The following VOPP1 variants were observed in gnomAD, a reference collection of about 807,000 sequenced individuals.
VOPP1 encodes WW domain binding protein VOPP1.
VOPP1 carries 8 observed loss-of-function variants against 23.5 expected under a neutral mutation model. The ratio of observed to expected loss-of-function variants is 0.34; its 90% confidence interval spans 0.20 to 0.61. The LOEUF (loss-of-function observed/expected upper bound fraction) is 0.61. Among genes scored for constraint, VOPP1 ranks in the 20% least tolerant of loss-of-function variants. VOPP1 has a pLI of 0.78. For synonymous variants in VOPP1, 83 were observed against 97.3 expected, an observed-to-expected ratio of 0.85 and a Z score of 0.86; for missense variants, 174 against 238.1, an observed-to-expected ratio of 0.73 and a Z score of 1.77.
downstream of VOPP1, among the ~76,000 whole-genome samples, chr7:55,469,371 A>G (rs1359861105): frequency 6.6e-6 from 1 of 152,166 alleles, no homozygotes; most frequent in Non-Finnish European, 1.5e-5. Context: ...AAAGCCTCAA[A>G]AGCTGTTTAC....
chr7:55,565,465 T>C (rs543004023), intron 1 of VOPP1, among the ~76,000 whole-genome samples: 32 of 152,320 alleles, frequency 2.1e-4, no homozygotes, highest in East Asian at 1.2e-3. Context: ...TGTTAATCAG[T>C]TGGATAAAAC....
At chr7:55,559,103 C>G (rs1007812940) in intron 1 of VOPP1, among the ~76,000 whole-genome samples, 4 of 152,162 alleles carry the variant, frequency 2.6e-5, no homozygotes, top group Non-Finnish European at 4.4e-5. Context: ...GCTCCCTCAT[C>G]ATCAGAGGGA....
chr7:55,556,560 T>C (rs979143253), intron 1 of VOPP1, among the ~76,000 whole-genome samples: 1 of 152,092 alleles, frequency 6.6e-6, no homozygotes, highest in East Asian at 1.9e-4. Context: ...GCTATGATTA[T>C]ATAAACTTCA....
At chr7:55,489,351 G>A (rs1006359395) in intron 4 of VOPP1, among the ~76,000 whole-genome samples, 3 of 152,184 alleles carry the variant, frequency 2.0e-5, no homozygotes, top group African/African-American at 7.2e-5. Flanking sequence ...GAGAAGATGC[G>A]CTGGGACCAG....
intron 4 of VOPP1, among the ~76,000 whole-genome samples, chr7:55,457,062 A>C (rs1235163248): frequency 6.6e-6 from 1 of 152,180 alleles, no homozygotes. Flanking sequence ...CCCATCAACC[A>C]ACCTCTCTTC....
intron 4 of VOPP1, among the ~76,000 whole-genome samples, chr7:55,448,789 CG>C (rs1205927569): frequency 1.3e-5 from 2 of 152,202 alleles, no homozygotes; most frequent in Non-Finnish European, 1.5e-5. Context: ...TGGGCCCGGA[CG>C]AGGGGGAGGC....
At chr7:55,520,966 G>A (rs1795804743) in intron 2 of VOPP1, 106 bp downstream of exon 2, 1 of 1,220,116 alleles carries the variant, frequency 8.2e-7, no homozygotes. Flanking sequence ...AGCAGAGGCT[G>A]GGCCACGCCG....
intron 2 of VOPP1, among the ~76,000 whole-genome samples, chr7:55,515,600 C>G (rs1346032598): frequency 6.6e-6 from 1 of 152,264 alleles, no homozygotes; most frequent in African/African-American, 2.4e-5. Flanking sequence ...CCCAGTGCAG[C>G]AGGCACCACG....
At chr7:55,520,192 G>A (rs138739420) in intron 2 of VOPP1, among the ~76,000 whole-genome samples, 345 of 152,108 alleles carry the variant, frequency 2.3e-3, no homozygotes, top group Non-Finnish European at 3.9e-3. Flanking sequence ...AAAATAACGC[G>A]TTTTCCTATT....
rs773827349 is a variant in VOPP1, at chr7:55,492,336, C to A, written c.274G>T (p.Glu92Ter). 81 of 1,609,616 alleles carry A rather than the reference C, an allele frequency of 5.0e-5. No individual in the cohort carries two copies. Residue 92 changes from glutamate (E) to a stop codon, truncating the protein, a stop_gained, in exon 4 of 5, where the codon GAG (glutamate) becomes TAG (stop). Coordinates refer to ENST00000285279, the MANE Select transcript of VOPP1 (RefSeq NM_030796.5). LOFTEE classifies it high-confidence loss of function. Reference protein sequence around the residue: ...RRRMYPPPLIEEPAFNVSYTR... With the variant: ...RRRMYPPPLI The stretch of plus-strand genomic sequence containing the variant: ...TAGGACACATTGAAGGCTGGCTCCT[C>A]GATCAGCGGCGGGGGGTACATGCGC...
downstream of VOPP1, among the ~76,000 whole-genome samples, chr7:55,466,015 G>C (rs890367461): frequency 3.9e-5 from 6 of 152,126 alleles, no homozygotes; most frequent in South Asian, 1.2e-3. Context: ...AAGTCATGAG[G>C]GGGAGGGAGC....
intron 1 of VOPP1, among the ~76,000 whole-genome samples, chr7:55,554,302 T>A (rs568512622): frequency 6.6e-6 from 1 of 152,314 alleles, no homozygotes; most frequent in African/African-American, 2.4e-5. Context: ...GTCTATCTCG[T>A]TCCATCCAGG....
chr7:55,564,264 T>TCTCTCTCTCTCTCTCTCTCTCTCG (rs1369462395), intron 1 of VOPP1, among the ~76,000 whole-genome samples: 1 of 150,930 alleles, frequency 6.6e-6, no homozygotes, highest in African/African-American at 2.5e-5. Flanking sequence ...TCTCTCTCTC[T>TCTCTCTCTCTCTCTCTCTCTCTCG]CTCGCTCGCT....
chr7:55,567,628 C>A (rs1055768618), intron 1 of VOPP1, among the ~76,000 whole-genome samples: 3 of 152,186 alleles, frequency 2.0e-5, no homozygotes, highest in African/African-American at 7.2e-5. Flanking sequence ...CAGGTCTGGG[C>A]CCAACGCCCA....
chr7:55,555,003 G>A (rs992945322), intron 1 of VOPP1, among the ~76,000 whole-genome samples: 2 of 152,182 alleles, frequency 1.3e-5, no homozygotes, highest in Non-Finnish European at 2.9e-5. Flanking sequence ...ATCTCCCGAA[G>A]GAGAAAATCA....
intron 1 of VOPP1, among the ~76,000 whole-genome samples, chr7:55,539,898 TGCACAC>T (rs1584078677): frequency 1.4e-5 from 1 of 71,440 alleles, no homozygotes; most frequent in South Asian, 6.1e-4. Context: ...ACATAAGCGC[TGCACAC>T]ACACACACAC....
intron 1 of VOPP1, chr7:55,561,834 G>A: frequency 1.6e-6 from 1 of 614,680 alleles, no homozygotes; most frequent in Non-Finnish European, 3.0e-6. Flanking sequence ...GCTTGCCCAA[G>A]TCGGGGACTT....
In VOPP1 at chr7:55,538,924, T is replaced by C. The variant is rs186508470; in HGVS notation, c.55-17794A>G. ...GGGTATACAATCTTAAAAAAAAAAG[T>C]TGCACAAGAAACTTATCAGAGAGGT... is the stretch of plus-strand genomic sequence containing the variant. On this transcript the variant is annotated intron_variant, in intron 1 of 4. Transcript: ENST00000285279. Among the ~76,000 whole-genome samples, 94 of 151,192 alleles carry C rather than the reference T, an allele frequency of 6.2e-4. 1 individual carries two copies. The highest frequency in any genetic ancestry group is 2.2e-3 in the African/African-American group (90 of 41,124).
At chr7:55,528,227 A>G (rs188983660) in intron 1 of VOPP1, among the ~76,000 whole-genome samples, 6 of 152,336 alleles carry the variant, frequency 3.9e-5, no homozygotes, top group Admixed American at 2.6e-4. Context: ...AAAATAGTAC[A>G]TCTAGAATTG....
Sources: allele counts gnomAD v4.1 joint callset (sites outside exome capture counted in the v4.1 genomes callset), GRCh38; gene constraint gnomAD v4.1.1; transcripts MANE v1.5; gene names NCBI Gene and HGNC (gene_info 2026-07-23, HGNC 2026-07-21).